Variants in KCNC1 observed in about 807,000 individuals in gnomAD.
KCNC1 encodes potassium voltage-gated channel subfamily C member 1, also known as voltage-gated potassium channel KCNC1.
KCNC1 carries 8 observed loss-of-function variants against 43.4 expected under a neutral mutation model. The observed-to-expected ratio is 0.18, with a 90% confidence interval of 0.11 to 0.33. The LOEUF (loss-of-function observed/expected upper bound fraction) is 0.33, where lower values mean the gene tolerates loss of function less well. Among genes scored for constraint, KCNC1 ranks in the 10% least tolerant of loss-of-function variants. KCNC1 has a pLI of 1.00. For synonymous variants in KCNC1, 361 were observed against 360.5 expected, an observed-to-expected ratio of 1.00 and a Z score of -0.01; for missense variants, 420 against 836.0, an observed-to-expected ratio of 0.50 and a Z score of 6.14.
chr11:17,768,536 A>T (rs1436873222), intron 1 of KCNC1, among the ~76,000 whole-genome samples: 1 of 140,914 alleles, frequency 7.1e-6, no homozygotes, highest in Non-Finnish European at 1.5e-5. Context: ...TGAAGTCTAA[A>T]CCTGCTTTGA....
chr11:17,773,179 C>T lies in KCNC1; in HGVS notation c.1504+581C>T. ...AATTCCTGCCCTGATTTCGGGCTGCCCAGCTCGAGGTCCTTCCCAGGAGAC... is the reference window on the plus strand; with the variant it reads ...AATTCCTGCCCTGATTTCGGGCTGCTCAGCTCGAGGTCCTTCCCAGGAGAC... On this transcript the variant is annotated intron_variant, in intron 2 of 3. Coordinates refer to ENST00000265969, the MANE Select transcript of KCNC1 (RefSeq NM_001112741.2). The surrounding 1 kb of genome is among the most constrained non-coding windows in gnomAD (Gnocchi z 4.1). The T allele has an allele frequency of 1.0e-6, 1 of 986,700 alleles. No individual in the cohort carries two copies. The highest frequency in any genetic ancestry group is 1.2e-6 in the Non-Finnish European group (1 of 830,936). 61.1% of individuals were successfully genotyped at this position (986,700 alleles called of 1,614,324 possible).
rs1017737941 is a variant in KCNC1 at position 17,736,708 on chromosome 11, G to A, written c.570+136G>A. On this transcript the variant is annotated intron_variant, in intron 1 of 3. Transcript: ENST00000265969. The surrounding 1 kb of genome is among the most constrained non-coding windows in gnomAD (Gnocchi z 9.3). ...AGGGGGTGTGTGCGCATGTGTGCAC[G>A]TACCAGGGTAAGAGAGGAAGGGTGT... is the stretch of plus-strand genomic sequence containing the variant. 81 of 1,368,402 alleles carry A rather than the reference G, an allele frequency of 5.9e-5. No individual in the cohort carries two copies. The African/African-American group carries it at 9.0e-4, about 15-fold the overall frequency. 84.8% of individuals were successfully genotyped at this position (1,368,402 alleles called of 1,614,324 possible).
At chr11:17,770,768 G>A (rs1385223161) in intron 1 of KCNC1, among the ~76,000 whole-genome samples, 3 of 152,136 alleles carry the variant, frequency 2.0e-5, no homozygotes, top group African/African-American at 7.2e-5. Flanking sequence ...GCCCACACAT[G>A]TTTGGGAAGC....
Position 17,740,881 on chromosome 11 carries a change from G to A in KCNC1, c.570+4309G>A, listed in dbSNP as rs1317145162. ...AGGGAAGGAAATTTACCTGGTGGCG[G>A]GAAATAAAGCGCCCAGCCAGAGGCT... On this transcript the variant is annotated intron_variant, in intron 1 of 3. Transcript: ENST00000265969. 2.0e-5 allele frequency among the ~76,000 whole-genome samples: 3 copies of A among 152,246 alleles called. No individual in the cohort carries two copies. In the East Asian group the frequency reaches 5.8e-4, roughly 29 times the overall value.
rs1226301163 is a variant in KCNC1, at chr11:17,772,705, G to A, written c.1504+107G>A. The A allele has an allele frequency of 4.0e-5, 61 of 1,530,798 alleles. 1 individual carries two copies. Among genetic ancestry groups the A allele is most frequent in the South Asian group, 6.6e-5 (5 of 76,116 alleles). The allele number at this position is 1,530,798 out of a possible 1,614,324, so 94.8% of individuals were successfully genotyped here. ...CTTCCTTAGTTCCGTGGGTGACCCC[G>A]GACCCCGCACTCAGTCTGGAGGTGT... On this transcript the variant is annotated intron_variant, in intron 2 of 3. Transcript: ENST00000265969.
At chr11:17,746,430 G>A (rs1220639749) in intron 1 of KCNC1, among the ~76,000 whole-genome samples, 1 of 151,986 alleles carries the variant, frequency 6.6e-6, no homozygotes, top group East Asian at 1.9e-4. Context: ...CGTCCCACTT[G>A]GTCCAGCCCG....
rs1042526213 is a variant in KCNC1, at chr11:17,742,286, T to C, written c.570+5714T>C. Among the ~76,000 whole-genome samples the C allele has an allele frequency of 4.6e-5, 7 of 151,982 alleles. No individual in the cohort carries two copies. The highest frequency in any genetic ancestry group is 2.1e-4 in the South Asian group (1 of 4,814). ...CCTCTGCCAGAAGCTTTGGAGGGGA[T>C]TGGCTGAAGTCTATCAAGGAGGGAG... On this transcript the variant is annotated intron_variant, in intron 1 of 3. Coordinates refer to ENST00000265969, the MANE Select transcript of KCNC1 (RefSeq NM_001112741.2). The surrounding 1 kb of genome is among the most constrained non-coding windows in gnomAD (Gnocchi z 4.2).
intron 1 of KCNC1, among the ~76,000 whole-genome samples, chr11:17,750,362 GGGCCAGGA>G (rs1848953250): frequency 2.0e-5 from 3 of 152,182 alleles, no homozygotes; most frequent in African/African-American, 7.2e-5. Flanking sequence ...CACAACCTCA[GGGCCAGGA>G]GCCACCATCA....
intron 1 of KCNC1, among the ~76,000 whole-genome samples, chr11:17,761,163 C>T (rs1849074560): frequency 6.6e-6 from 1 of 152,338 alleles, no homozygotes. Flanking sequence ...TGGACTCGTC[C>T]ACAGGAAGCT....
Position 17,773,194 on chromosome 11 carries a change from T to A in KCNC1, c.1504+596T>A, listed in dbSNP as rs1849250861. ...TTCGGGCTGCCCAGCTCGAGGTCCT[T>A]CCCAGGAGACGCCTGTAGCCCTCCG... is the stretch of plus-strand genomic sequence containing the variant. On this transcript the variant is annotated intron_variant, in intron 2 of 3. Transcript: ENST00000265969. This position sits in a 1 kb window ranked among gnomAD's most constrained non-coding sequence, Gnocchi z 4.1. 1.0e-6 allele frequency: 1 copy of A among 986,422 alleles called. No individual in the cohort carries two copies. 61.1% of individuals were successfully genotyped at this position (986,422 alleles called of 1,614,324 possible). A position where few individuals can be genotyped will look rare whatever the true frequency, so the allele number is the denominator to read the frequency against.
Position 17,772,228 on chromosome 11 carries a change from C to T in KCNC1, c.1134C>T (p.Ala378=), listed in dbSNP as rs766715492. 2 of 1,614,082 alleles carry T rather than the reference C, an allele frequency of 1.2e-6. No individual in the cohort carries two copies. The highest frequency in any genetic ancestry group is 2.2e-5 in the South Asian group (2 of 91,084). The change falls in exon 2 of 4, where the codon GCC becomes GCT. Residue 378 remains alanine (A), a synonymous_variant. Transcript: ENST00000265969. ...GGGCACAGCCCAATGACCCCAGCGC[C>T]AGTGAGCACACGCACTTTAAGAACA... ...RIGAQPNDPS[A]SEHTHFKNIP... is the part of the protein sequence containing the mutation.
chr11:17,736,503 C>T lies in KCNC1; in HGVS notation c.501C>T (p.Gly167=). 6.3e-7 allele frequency: 1 copy of T among 1,591,414 alleles called. No individual in the cohort carries two copies. Among genetic ancestry groups the T allele is most frequent in the Non-Finnish European group, 8.5e-7 (1 of 1,174,886 alleles). ...LSDSPDGRPG[G]FWRRWQPRIW... ...ACTCCCCGGATGGCCGGCCTGGCGGCTTTTGGCGCCGCTGGCAGCCGCGCA... is the reference window on the plus strand; with the variant it reads ...ACTCCCCGGATGGCCGGCCTGGCGGTTTTTGGCGCCGCTGGCAGCCGCGCA... The change falls in exon 1 of 4, where the codon GGC becomes GGT. Residue 167 remains glycine (G), a synonymous_variant. Transcript: ENST00000265969. The surrounding 1 kb of genome is among the most constrained non-coding windows in gnomAD (Gnocchi z 9.3).
intron 2 of KCNC1, 64 bp downstream of exon 2, chr11:17,772,662 C>G: frequency 6.4e-7 from 1 of 1,574,010 alleles, no homozygotes; most frequent in Non-Finnish European, 8.6e-7. Flanking sequence ...AGCGATGATT[C>G]CAGATCCAGT....
intron 1 of KCNC1, among the ~76,000 whole-genome samples, chr11:17,741,272 C>T (rs1848838308): frequency 1.4e-5 from 2 of 147,264 alleles, no homozygotes; most frequent in African/African-American, 5.0e-5. Flanking sequence ...CTGGTCAGAG[C>T]CCTGCAGCCC....
chr11:17,770,146 G>A (rs1849206993), intron 1 of KCNC1, among the ~76,000 whole-genome samples: 2 of 152,258 alleles, frequency 1.3e-5, no homozygotes, highest in South Asian at 4.1e-4. Context: ...GGGTGGGGGA[G>A]GGGCATCACT....
At position 17,770,819 on chromosome 11, in the gene KCNC1, C is replaced by T. The variant is rs1403659179; in HGVS notation, c.571-846C>T. Among the ~76,000 whole-genome samples the T allele has an allele frequency of 3.9e-5, 6 of 152,068 alleles. No homozygotes were observed. The East Asian group carries it at 9.6e-4, about 24-fold the overall frequency. On this transcript the variant is annotated intron_variant, in intron 1 of 3. Transcript: ENST00000265969. ...GCTTCTTCCTCCCTCCCACTCACACCCCTACCCTAGGGCTGGAAAGGAGTC... is the reference window on the plus strand; with the variant it reads ...GCTTCTTCCTCCCTCCCACTCACACTCCTACCCTAGGGCTGGAAAGGAGTC...
At chr11:17,760,420 G>A (rs1393705742) in intron 1 of KCNC1, among the ~76,000 whole-genome samples, 1 of 152,176 alleles carries the variant, frequency 6.6e-6, no homozygotes, top group Non-Finnish European at 1.5e-5. Context: ...GGTGAGAGGA[G>A]ACCCCCGTTA....
intron 1 of KCNC1, among the ~76,000 whole-genome samples, chr11:17,755,794 G>A (rs968414329): frequency 3.3e-5 from 5 of 152,162 alleles, no homozygotes; most frequent in African/African-American, 1.2e-4. Context: ...TCAGGGGAAG[G>A]GCTGGGCTGG....
Position 17,771,766 on chromosome 11 carries a change from C to G in KCNC1, c.672C>G (p.Ile224Met). 1 of 1,614,246 alleles carries G rather than the reference C, an allele frequency of 6.2e-7. No individual in the cohort carries two copies. The highest frequency in any genetic ancestry group is 8.5e-7 in the Non-Finnish European group (1 of 1,180,030). ...RFNPIVNKTE[I>M]ENVRNGTQVR... The stretch of plus-strand genomic sequence containing the variant: ...ACCCCATCGTGAACAAGACGGAGAT[C>G]GAGAACGTTCGCAATGGCACGCAAG... Residue 224 changes from isoleucine to methionine, a missense_variant, in exon 2 of 4, where the codon ATC becomes ATG. Ile to Met is a conservative substitution (Grantham distance 10). Around this residue, in one of 5 missense-constraint regions of KCNC1, gnomAD observed 151 missense variants for 216.7 expected, o/e 0.70. Transcript: ENST00000265969. The surrounding 1 kb of genome is among the most constrained non-coding windows in gnomAD (Gnocchi z 4.7).
Sources: gnomAD v4.1 joint callset for allele counts (sites outside exome capture counted in the v4.1 genomes callset) on GRCh38, gnomAD v4.1.1 for gene constraint, gnomAD v4.1.1 regional missense constraint, Gnocchi (gnomAD v3.1) non-coding constraint, MANE v1.5 for transcripts, NCBI Gene and HGNC (gene_info 2026-07-23, HGNC 2026-07-21) for gene names.